The following MAGI2 variants were observed in gnomAD, a reference collection of about 807,000 sequenced individuals.
The protein encoded by MAGI2 is membrane-associated guanylate kinase, WW and PDZ domain-containing protein 2.
A neutral mutation model predicts 133.3 loss-of-function variants in MAGI2; 35 were observed. The ratio of observed to expected loss-of-function variants is 0.26; its 90% CI spans 0.20 to 0.35. The LOEUF is 0.35. Ranked by LOEUF, MAGI2 falls within the 10% of genes least tolerant of loss-of-function variation. The pLI is 1.00. For synonymous variants in MAGI2, 729 were observed against 710.6 expected, an observed-to-expected ratio of 1.03 and a Z score of -0.41; for missense variants, 1,636 against 1,863.4, an observed-to-expected ratio of 0.88 and a Z score of 2.25.
chr7:78,873,935 T>C (rs1795223948), intron 2 of MAGI2, among the ~76,000 whole-genome samples: 1 of 152,156 alleles, frequency 6.6e-6, no homozygotes, highest in Non-Finnish European at 1.5e-5. Flanking sequence ...TCATTAATTA[T>C]TTCCAGATAA....
intron 1 of MAGI2, among the ~76,000 whole-genome samples, chr7:79,097,162 T>C (rs1817587725): frequency 6.6e-6 from 1 of 152,222 alleles, no homozygotes. Flanking sequence ...CAGTGAATCC[T>C]CAAAGTCTCC....
At chr7:78,424,635 T>A (rs929084091) in intron 6 of MAGI2, among the ~76,000 whole-genome samples, 1 of 152,166 alleles carries the variant, frequency 6.6e-6, no homozygotes, top group African/African-American at 2.4e-5. Flanking sequence ...TGCAAAGCCA[T>A]AGGGGTGGAG....
At chr7:78,915,072 C>T (rs561408656) in intron 2 of MAGI2, among the ~76,000 whole-genome samples, 2 of 151,896 alleles carry the variant, frequency 1.3e-5, no homozygotes, top group East Asian at 3.9e-4. Context: ...GAGAAAATGC[C>T]CTGGAGAAAA....
chr7:78,818,476 T>A (rs1789801803), intron 2 of MAGI2, among the ~76,000 whole-genome samples: 1 of 152,194 alleles, frequency 6.6e-6, no homozygotes, highest in African/African-American at 2.4e-5. Flanking sequence ...TGTGAGTGGA[T>A]GAGTTAATTG....
intron 4 of MAGI2, among the ~76,000 whole-genome samples, chr7:78,510,439 G>A (rs1013656808): frequency 6.6e-6 from 1 of 152,058 alleles, no homozygotes; most frequent in African/African-American, 2.4e-5. Flanking sequence ...TATTACCACT[G>A]AATTCTATTA....
At chr7:78,980,953 C>G (rs1804732189) in intron 2 of MAGI2, among the ~76,000 whole-genome samples, 1 of 151,388 alleles carries the variant, frequency 6.6e-6, no homozygotes, top group Non-Finnish European at 1.5e-5. Flanking sequence ...TCTTTCAGGG[C>G]TTTTTAGATT....
intron 3 of MAGI2, chr7:78,614,560 T>G (rs1383462702): frequency 1.3e-5 from 2 of 152,160 alleles, no homozygotes; most frequent in African/African-American, 4.8e-5. Context: ...AATTGTAAAA[T>G]ATCTAATCAC....
chr7:78,460,635 T>C (rs1280348650), intron 6 of MAGI2, among the ~76,000 whole-genome samples: 1 of 152,190 alleles, frequency 6.6e-6, no homozygotes, highest in East Asian at 1.9e-4. Context: ...GGAGGTTTAC[T>C]CCTTATTTAC....
chr7:79,011,267 T>C (rs928001951), intron 1 of MAGI2, among the ~76,000 whole-genome samples: 1 of 152,140 alleles, frequency 6.6e-6, no homozygotes, highest in Non-Finnish European at 1.5e-5. Context: ...GACTGCTTTG[T>C]CATTTCTATT....
intron 1 of MAGI2, among the ~76,000 whole-genome samples, chr7:79,254,252 C>T (rs1258571099): frequency 6.6e-6 from 1 of 152,074 alleles, no homozygotes; most frequent in Non-Finnish European, 1.5e-5. Flanking sequence ...TGTAAGAATT[C>T]TCTGTATAAA....
intron 10 of MAGI2, among the ~76,000 whole-genome samples, chr7:78,226,561 C>T (rs564740179): frequency 1.3e-5 from 2 of 152,260 alleles, no homozygotes; most frequent in South Asian, 2.1e-4. Context: ...TGAAGTCCAA[C>T]CCTGGTAATT....
chr7:79,239,642 T>C (rs1280616161), intron 1 of MAGI2, among the ~76,000 whole-genome samples: 1 of 152,096 alleles, frequency 6.6e-6, no homozygotes. Context: ...CACTCAGAGG[T>C]GAACCCTGTT....
intron 6 of MAGI2, among the ~76,000 whole-genome samples, chr7:78,393,720 T>G (rs1185185617): frequency 6.6e-6 from 1 of 152,182 alleles, no homozygotes; most frequent in East Asian, 1.9e-4. Flanking sequence ...CTGACAGAGT[T>G]GGTAACTAGC....
At chr7:79,193,449 G>A (rs551086549) in intron 1 of MAGI2, among the ~76,000 whole-genome samples, 41 of 151,892 alleles carry the variant, frequency 2.7e-4, no homozygotes, top group African/African-American at 9.7e-4. Flanking sequence ...CACTGTTCTA[G>A]TAAGAATGAA....
At chr7:79,336,303 A>T (rs994622192) in intron 1 of MAGI2, among the ~76,000 whole-genome samples, 1 of 152,084 alleles carries the variant, frequency 6.6e-6, no homozygotes, top group East Asian at 1.9e-4. Context: ...ACAGGATTTG[A>T]GGCTTATTCT....
chr7:78,499,648 C>G (rs1169461179), intron 5 of MAGI2, among the ~76,000 whole-genome samples: 2 of 151,978 alleles, frequency 1.3e-5, no homozygotes, highest in Non-Finnish European at 2.9e-5. Flanking sequence ...TAATCACACA[C>G]AAAAAAGGTT....
intron 2 of MAGI2, among the ~76,000 whole-genome samples, chr7:78,707,023 G>A (rs1818719730): frequency 6.6e-6 from 1 of 151,982 alleles, no homozygotes; most frequent in African/African-American, 2.4e-5. Flanking sequence ...TTCTAGCTCT[G>A]GAATCTACAT....
rs1368209036 is a variant in MAGI2 at position 79,404,075 on chromosome 7, C to A, written c.301+48945G>T. ...TTACATAAAGAACTAATTATAGCCA[C>A]CTGCTTCTCGAACTGTCTGACAGTC... On this transcript the variant is annotated intron_variant, in intron 1 of 21. Coordinates refer to ENST00000354212, the MANE Select transcript of MAGI2 (RefSeq NM_012301.4). Among the ~76,000 whole-genome samples the A allele has an allele frequency of 6.6e-5, 10 of 152,260 alleles. No homozygotes were observed. In the South Asian group the frequency reaches 1.7e-3, roughly 25 times the overall value.
intron 13 of MAGI2, among the ~76,000 whole-genome samples, chr7:78,181,124 A>C (rs1176086810): frequency 2.0e-5 from 3 of 151,908 alleles, no homozygotes; most frequent in Non-Finnish European, 4.4e-5. Context: ...ACTTTCCCCT[A>C]GTTGCTCTTC....
Sources: allele counts gnomAD v4.1 joint callset (sites outside exome capture counted in the v4.1 genomes callset), GRCh38; gene constraint gnomAD v4.1.1; transcripts MANE v1.5; gene names NCBI Gene and HGNC (gene_info 2026-07-23, HGNC 2026-07-21).